Variants in KHDRBS3 observed in about 807,000 individuals in gnomAD.
The protein encoded by KHDRBS3 is KH domain-containing, RNA-binding, signal transduction-associated protein 3.
Under a neutral mutation model 45.6 loss-of-function variants are expected in KHDRBS3, and 23 were observed. That is an observed-to-expected ratio of 0.50 (90% CI 0.36 to 0.72). The LOEUF (loss-of-function observed/expected upper bound fraction) is 0.72, where lower values mean the gene tolerates loss of function less well. Ranked by LOEUF, KHDRBS3 falls within the 30% of genes least tolerant of loss-of-function variation. The probability of loss-of-function intolerance (pLI) is 0.00; values close to 1 mark genes in which losing one functional copy is unlikely to be tolerated. For synonymous variants in KHDRBS3, 162 were observed against 156.5 expected, an observed-to-expected ratio of 1.04 and a Z score of -0.26; for missense variants, 352 against 424.8, an observed-to-expected ratio of 0.83 and a Z score of 1.51.
At chr8:135,478,806 T>A (rs111475530) in intron 1 of KHDRBS3, among the ~76,000 whole-genome samples, 1 of 152,140 alleles carries the variant, frequency 6.6e-6, no homozygotes, top group Non-Finnish European at 1.5e-5. Context: ...ATGTCAAAAC[T>A]TAAGAGATAC....
At chr8:135,533,819 G>A (rs1825598557) in intron 2 of KHDRBS3, among the ~76,000 whole-genome samples, 1 of 152,122 alleles carries the variant, frequency 6.6e-6, no homozygotes, top group Admixed American at 6.5e-5. Context: ...TCAAAGCTTA[G>A]CCTAGCCTAC....
intron 5 of KHDRBS3, among the ~76,000 whole-genome samples, chr8:135,571,599 T>C (rs956246177): frequency 6.6e-6 from 1 of 152,030 alleles, no homozygotes; most frequent in Admixed American, 6.6e-5. Flanking sequence ...CAAATGACCA[T>C]GCAAGTAATT....
intron 5 of KHDRBS3, among the ~76,000 whole-genome samples, chr8:135,576,619 C>T (rs1313018319): frequency 1.3e-5 from 2 of 151,996 alleles, no homozygotes; most frequent in South Asian, 2.1e-4. Flanking sequence ...TCTGGCACTA[C>T]ACATTGCTCC....
rs535047057 is a variant in KHDRBS3, at chr8:135,518,251, G to A, written c.89-2986G>A. The stretch of plus-strand genomic sequence containing the variant: ...TGCAGTGACACGATCTCACCTCACT[G>A]CAAGCTCCGCCTCCCGTGTTCATGC... On this transcript the variant is annotated intron_variant, in intron 1 of 8. Coordinates refer to ENST00000355849, the MANE Select transcript of KHDRBS3 (RefSeq NM_006558.3). 5.3e-5 allele frequency among the ~76,000 whole-genome samples: 8 copies of A among 152,174 alleles called. No homozygotes were observed. In the South Asian group the frequency reaches 1.7e-3, roughly 32 times the overall value.
intron 2 of KHDRBS3, among the ~76,000 whole-genome samples, chr8:135,536,999 G>GAAAAAAAAAAAAA (rs1375807666): frequency 2.0e-4 from 6 of 29,412 alleles, no homozygotes; most frequent in African/African-American, 5.2e-4. Context: ...AAAAAAAAAG[G>GAAAAAAAAAAAAA]AGATGTTTAG....
At chr8:135,527,461 G>A (rs895114057) in intron 2 of KHDRBS3, among the ~76,000 whole-genome samples, 13 of 152,220 alleles carry the variant, frequency 8.5e-5, no homozygotes, top group Admixed American at 4.6e-4. Flanking sequence ...AATTTGACTA[G>A]ACAGATTTTT....
intron 2 of KHDRBS3, among the ~76,000 whole-genome samples, chr8:135,527,375 T>C (rs1241319292): frequency 1.3e-5 from 2 of 152,148 alleles, no homozygotes; most frequent in African/African-American, 4.8e-5. Flanking sequence ...AGAAGTGAGA[T>C]AGTGAAATTG....
At chr8:135,488,014 G>C (rs1291971713) in intron 1 of KHDRBS3, among the ~76,000 whole-genome samples, 1 of 152,096 alleles carries the variant, frequency 6.6e-6, no homozygotes, top group East Asian at 1.9e-4. Context: ...TCACAAATTG[G>C]TGCTGTGTGT....
At chr8:135,648,002 C>T (rs974313707), downstream of KHDRBS3, 1 of 152,146 alleles carries the variant, frequency 6.6e-6, no homozygotes, top group African/African-American at 2.4e-5. Context: ...TAATGAACAC[C>T]TCGCTCCATG....
chr8:135,627,050 C>T (rs1421399020), intron 7 of KHDRBS3, among the ~76,000 whole-genome samples: 1 of 152,102 alleles, frequency 6.6e-6, no homozygotes, highest in African/African-American at 2.4e-5. Context: ...TACAGGGATA[C>T]TCACACGCCT....
At chr8:135,501,936 C>T (rs143267966) in intron 1 of KHDRBS3, among the ~76,000 whole-genome samples, 27 of 152,250 alleles carry the variant, frequency 1.8e-4, no homozygotes, top group African/African-American at 4.8e-4. Context: ...ACTTTTTGCA[C>T]GCATTATTGA....
At chr8:135,531,412 C>A (rs1258179899) in intron 2 of KHDRBS3, among the ~76,000 whole-genome samples, 1 of 94,242 alleles carries the variant, frequency 1.1e-5, no homozygotes, top group Admixed American at 1.2e-4. Context: ...ATATAGTAAT[C>A]TCTGCAACAA....
chr8:135,641,465 C>T lies in KHDRBS3; in HGVS notation c.891-3594C>T, dbSNP rs146213155. ...ATCAAGGTTGTATTTGTCTGAGGAG[C>T]CATTATGATGTAACTTCTGACCCTT... On this transcript the variant is annotated intron_variant, in intron 7 of 8. Transcript: ENST00000355849. 2.3e-3 allele frequency among the ~76,000 whole-genome samples: 355 copies of T among 152,276 alleles called. 3 individuals are homozygous for T. In the Middle Eastern group the frequency reaches 0.024, roughly 10 times the overall value.
intron 7 of KHDRBS3, among the ~76,000 whole-genome samples, chr8:135,622,542 A>T (rs1204635361): frequency 6.6e-6 from 1 of 152,238 alleles, no homozygotes; most frequent in Non-Finnish European, 1.5e-5. Context: ...CACATGTGTA[A>T]ATATTGCAGA....
chr8:135,536,930 G>C lies in KHDRBS3; in HGVS notation c.208-5724G>C, dbSNP rs867619248. On this transcript the variant is annotated intron_variant, in intron 2 of 8. Coordinates refer to ENST00000355849, the MANE Select transcript of KHDRBS3 (RefSeq NM_006558.3). ...AGCCGAGATTGCGCCACTGCAGTCC[G>C]CAGTCCGACCTGGGCGACAGAGCGA... Among the ~76,000 whole-genome samples the C allele has an allele frequency of 2.5e-5, 3 of 121,576 alleles. No individual in the cohort carries two copies. In the South Asian group the frequency reaches 8.1e-4, roughly 33 times the overall value. The allele number at this position is 121,576 out of a possible 152,430, so 79.8% of individuals were successfully genotyped here.
chr8:135,620,099 G>A (rs142950566), intron 7 of KHDRBS3, among the ~76,000 whole-genome samples: 1 of 149,606 alleles, frequency 6.7e-6, no homozygotes, highest in Non-Finnish European at 1.5e-5. Flanking sequence ...TTGAGACAGG[G>A]TATCAATCTG....
Position 135,607,140 on chromosome 8 carries a change from G to C in KHDRBS3, c.890+103G>C, listed in dbSNP as rs561897907. The stretch of plus-strand genomic sequence containing the variant: ...GGCAGTCAGCTAGAGAGGGTAATTG[G>C]CTTGCCCTGTTTTTGTATTTGTTTA... On this transcript the variant is annotated intron_variant, in intron 7 of 8. Transcript: ENST00000355849. 53 of 810,030 alleles carry C rather than the reference G, an allele frequency of 6.5e-5. 2 individuals are homozygous for C. In the South Asian group the frequency reaches 9.9e-4, roughly 15 times the overall value. The allele number at this position is 810,030 out of a possible 1,614,324, so 50.2% of individuals were successfully genotyped here. A position where few individuals can be genotyped will look rare whatever the true frequency, so the allele number is the denominator to read the frequency against.
chr8:135,542,569 C>T (rs895569570), intron 2 of KHDRBS3, 85 bp from the exon 3 acceptor site: 3 of 825,102 alleles, frequency 3.6e-6, no homozygotes, highest in Non-Finnish European at 4.2e-6. Context: ...TGATGTGTAG[C>T]ACACTACAGT....
At chr8:135,549,587 T>C (rs1236944961) in intron 4 of KHDRBS3, 1 of 152,244 alleles carries the variant, frequency 6.6e-6, no homozygotes, top group African/African-American at 2.4e-5. Flanking sequence ...GTGTGATTTG[T>C]ATGCTCTTGA....
Sources: gnomAD v4.1 joint callset for allele counts (sites outside exome capture counted in the v4.1 genomes callset) on GRCh38, gnomAD v4.1.1 for gene constraint, MANE v1.5 for transcripts, NCBI Gene and HGNC (gene_info 2026-07-23, HGNC 2026-07-21) for gene names.